The following ST3GAL4 variants were observed in gnomAD, a reference collection of about 807,000 sequenced individuals.
The protein encoded by ST3GAL4 is ST3 beta-galactoside alpha-2,3-sialyltransferase 4, also known as CMP-N-acetylneuraminate-beta-galactosamide-alpha-2,3-sialyltransferase 4.
A neutral mutation model predicts 42.6 loss-of-function variants in ST3GAL4; 24 were observed. The ratio of observed to expected loss-of-function variants is 0.56; its 90% CI spans 0.41 to 0.79. The LOEUF (loss-of-function observed/expected upper bound fraction) is 0.79. Ranked by LOEUF, ST3GAL4 falls within the 30% of genes least tolerant of loss-of-function variation. The pLI, the probability that ST3GAL4 is intolerant of heterozygous loss-of-function variation, is 0.00. For synonymous variants in ST3GAL4, 135 were observed against 163.2 expected (o/e 0.83, Z 1.32); for missense variants, 311 against 430.8 (o/e 0.72, Z 2.46).
In ST3GAL4 at chr11:126,366,901, C is replaced by T. The variant is rs1952451109; in HGVS notation, c.-61+11059C>T. Among the ~76,000 whole-genome samples, 1 of 152,142 alleles carries T rather than the reference C, an allele frequency of 6.6e-6. No individual in the cohort carries two copies. On this transcript the variant is annotated intron_variant, in intron 1 of 10. Transcript: ENST00000444328. This position sits in a 1 kb window ranked among gnomAD's most constrained non-coding sequence, Gnocchi z 4.2. Reference sequence around the variant, plus strand: ...TGAATTCAGAGGCTGTACTGTGGGGCAGGGCTGGAATTTGTGGCACCTGCA... The same window carrying T: ...TGAATTCAGAGGCTGTACTGTGGGGTAGGGCTGGAATTTGTGGCACCTGCA...
At position 126,411,199 on chromosome 11, in the gene ST3GAL4, G is replaced by T. The variant is rs975748546; in HGVS notation, c.771+1788G>T. 6.6e-6 allele frequency among the ~76,000 whole-genome samples: 1 copy of T among 151,846 alleles called. No individual in the cohort carries two copies. Among genetic ancestry groups the T allele is most frequent in the African/African-American group, 2.4e-5 (1 of 41,344 alleles). On this transcript the variant is annotated intron_variant, in intron 9 of 10. Coordinates refer to ENST00000444328, the MANE Select transcript of ST3GAL4 (RefSeq NM_001254757.2). The surrounding 1 kb of genome is among the most constrained non-coding windows in gnomAD (Gnocchi z 6.3). ...CTTGCTCTGTCACCCAGGCTGGAGT[G>T]CAGTGGGGTGATCTTGGCTCACTGC... is the stretch of plus-strand genomic sequence containing the variant.
chr11:126,357,862 T>C (rs1435388798), intron 1 of ST3GAL4, among the ~76,000 whole-genome samples: 1 of 152,214 alleles, frequency 6.6e-6, no homozygotes, highest in Non-Finnish European at 1.5e-5. Flanking sequence ...GAATTGGGAA[T>C]TCTTCTCAGA....
At chr11:126,387,221 A>G (rs917400131) in intron 1 of ST3GAL4, among the ~76,000 whole-genome samples, 5 of 152,202 alleles carry the variant, frequency 3.3e-5, no homozygotes, top group African/African-American at 9.7e-5. Context: ...TAAAAATCCC[A>G]TTTACCCAAA....
In ST3GAL4 at chr11:126,378,640, C is replaced by T. The variant is rs1177169987; in HGVS notation, c.-61+22798C>T. ...GCCAGGATGGTCTCGATCTCCTGACCTCGTGATCCACCCTCCTCGGCCCCC... is the reference window on the plus strand; with the variant it reads ...GCCAGGATGGTCTCGATCTCCTGACTTCGTGATCCACCCTCCTCGGCCCCC... On this transcript the variant is annotated intron_variant, in intron 1 of 10. Coordinates refer to ENST00000444328, the MANE Select transcript of ST3GAL4 (RefSeq NM_001254757.2). The surrounding 1 kb of genome is among the most constrained non-coding windows in gnomAD (Gnocchi z 5.3). 6.6e-6 allele frequency among the ~76,000 whole-genome samples: 1 copy of T among 152,162 alleles called. No homozygotes were observed. The highest frequency in any genetic ancestry group is 2.4e-5 in the African/African-American group (1 of 41,440).
intron 1 of ST3GAL4, among the ~76,000 whole-genome samples, chr11:126,380,033 G>A (rs1166293814): frequency 6.6e-6 from 1 of 151,928 alleles, no homozygotes; most frequent in African/African-American, 2.4e-5. Context: ...AAGCTGAGGC[G>A]GGCGGATCAC....
chr11:126,365,639 T>C (rs777757108), intron 1 of ST3GAL4, among the ~76,000 whole-genome samples: 4 of 152,284 alleles, frequency 2.6e-5, no homozygotes, highest in African/African-American at 4.8e-5. Flanking sequence ...CCCATCACCC[T>C]CCCAGTTATG....
At chr11:126,380,509 G>A (rs76162387) in intron 1 of ST3GAL4, among the ~76,000 whole-genome samples, 2 of 152,298 alleles carry the variant, frequency 1.3e-5, no homozygotes, top group African/African-American at 4.8e-5. Flanking sequence ...AGGGGCTGAT[G>A]TTCTTGCCAT....
In ST3GAL4 at chr11:126,384,992, C is replaced by T; in HGVS notation, c.-60-21104C>T. On this transcript the variant is annotated intron_variant, in intron 1 of 10. Coordinates refer to ENST00000444328, the MANE Select transcript of ST3GAL4 (RefSeq NM_001254757.2). This position sits in a 1 kb window ranked among gnomAD's most constrained non-coding sequence, Gnocchi z 5.5. Reference sequence around the variant, plus strand: ...GCTGGCACCTTCCACGTCCTGAGTGCTTGTTCTGTGCCCAGCCCCTGCTGA... The same window carrying T: ...GCTGGCACCTTCCACGTCCTGAGTGTTTGTTCTGTGCCCAGCCCCTGCTGA... 1.1e-6 allele frequency: 1 copy of T among 869,696 alleles called. No individual in the cohort carries two copies. The highest frequency in any genetic ancestry group is 1.4e-6 in the Non-Finnish European group (1 of 724,264). The allele number at this position is 869,696 out of a possible 1,614,324, so 53.9% of individuals were successfully genotyped here.
intron 6 of ST3GAL4, 30 bp downstream of exon 6, chr11:126,407,664 C>A (rs761726443): frequency 6.2e-7 from 1 of 1,611,634 alleles, no homozygotes; most frequent in Non-Finnish European, 8.5e-7. Flanking sequence ...CCAGTCTGGG[C>A]ACCTTCTCCT....
At chr11:126,375,670 A>G (rs1952810178) in intron 1 of ST3GAL4, among the ~76,000 whole-genome samples, 1 of 152,188 alleles carries the variant, frequency 6.6e-6, no homozygotes. Flanking sequence ...CATCTAGCAC[A>G]GTGGTCCTCA....
rs943339099 is a variant in ST3GAL4 at position 126,396,544 on chromosome 11, G to A, written c.-60-9552G>A. 2.0e-4 allele frequency among the ~76,000 whole-genome samples: 30 copies of A among 151,942 alleles called. No homozygotes were observed. The highest frequency in any genetic ancestry group is 6.5e-4 in the Admixed American group (10 of 15,282). On this transcript the variant is annotated intron_variant, in intron 1 of 10. Coordinates refer to ENST00000444328, the MANE Select transcript of ST3GAL4 (RefSeq NM_001254757.2). The surrounding 1 kb of genome is among the most constrained non-coding windows in gnomAD (Gnocchi z 5.8). Reference sequence around the variant, plus strand: ...CTGTGGGGGCTAGAGACTGTGTCTCGTGCGGAAGCGTGGCTGAGAAGGGGC... The same window carrying A: ...CTGTGGGGGCTAGAGACTGTGTCTCATGCGGAAGCGTGGCTGAGAAGGGGC...
intron 9 of ST3GAL4, among the ~76,000 whole-genome samples, chr11:126,412,316 G>A (rs1166175603): frequency 6.6e-6 from 1 of 152,186 alleles, no homozygotes; most frequent in Non-Finnish European, 1.5e-5. Context: ...AGACAGGAGA[G>A]CTCAGAGAGG....
intron 1 of ST3GAL4, among the ~76,000 whole-genome samples, chr11:126,402,778 TTG>T (rs1240240511): frequency 2.0e-5 from 3 of 152,190 alleles, no homozygotes; most frequent in Non-Finnish European, 4.4e-5. Context: ...TTTCTTCACC[TTG>T]TCCCCCAGTT....
Position 126,406,063 on chromosome 11 carries a change from G to T in ST3GAL4, c.-60-33G>T, listed in dbSNP as rs531057382. The T allele has an allele frequency of 6.4e-7, 1 of 1,551,188 alleles. No homozygotes were observed. The highest frequency in any genetic ancestry group is 1.4e-5 in the African/African-American group (1 of 73,170). ...GTGTCTAGGCAGGAGAGTTTGTGAA[G>T]CTGACCGGACACCTGTGGCTCTTAT... is the stretch of plus-strand genomic sequence containing the variant. On this transcript the variant is annotated intron_variant, in intron 1 of 10. Transcript: ENST00000444328. The surrounding 1 kb of genome is among the most constrained non-coding windows in gnomAD (Gnocchi z 5.4).
rs1307797343 is a variant in ST3GAL4 at position 126,366,634 on chromosome 11, A to T, written c.-61+10792A>T. The stretch of plus-strand genomic sequence containing the variant: ...GCCTCTCACTCGCTCAGCCCCTTTA[A>T]CCCTGCTGGCTCCTAATGAGACTTC... On this transcript the variant is annotated intron_variant, in intron 1 of 10. Transcript: ENST00000444328. The surrounding 1 kb of genome is among the most constrained non-coding windows in gnomAD (Gnocchi z 4.2). Among the ~76,000 whole-genome samples the T allele has an allele frequency of 6.6e-6, 1 of 151,690 alleles. No individual in the cohort carries two copies. The highest frequency in any genetic ancestry group is 1.5e-5 in the Non-Finnish European group (1 of 67,930).
chr11:126,384,054 G>A lies in ST3GAL4; in HGVS notation c.-60-22042G>A, dbSNP rs1953120666. On this transcript the variant is annotated intron_variant, in intron 1 of 10. Coordinates refer to ENST00000444328, the MANE Select transcript of ST3GAL4 (RefSeq NM_001254757.2). This position sits in a 1 kb window ranked among gnomAD's most constrained non-coding sequence, Gnocchi z 5.5. The stretch of plus-strand genomic sequence containing the variant: ...TCCCAATGCAGGGCCCTCTCCTCTG[G>A]CGAGCCTGCCTTGATACTCCCCGGC... 6.6e-6 allele frequency among the ~76,000 whole-genome samples: 1 copy of A among 152,170 alleles called. No individual in the cohort carries two copies. The highest frequency in any genetic ancestry group is 1.5e-5 in the Non-Finnish European group (1 of 68,036).
At position 126,409,031 on chromosome 11, in the gene ST3GAL4, C is replaced by T. The variant is rs1203370871; in HGVS notation, c.628-237C>T. Among the ~76,000 whole-genome samples, 2 of 152,226 alleles carry T rather than the reference C, an allele frequency of 1.3e-5. No individual in the cohort carries two copies. The highest frequency in any genetic ancestry group is 6.5e-5 in the Admixed American group (1 of 15,280). On this transcript the variant is annotated intron_variant, in intron 8 of 10. Coordinates refer to ENST00000444328, the MANE Select transcript of ST3GAL4 (RefSeq NM_001254757.2). This position sits in a 1 kb window ranked among gnomAD's most constrained non-coding sequence, Gnocchi z 4.9. Reference sequence around the variant, plus strand: ...AGTGGTCCATGGTTTAGACCCTCCACTCTATACACCTGGTCACCTGGCCTC... The same window carrying T: ...AGTGGTCCATGGTTTAGACCCTCCATTCTATACACCTGGTCACCTGGCCTC...
chr11:126,412,900 A>G (rs1954592356), intron 9 of ST3GAL4, among the ~76,000 whole-genome samples: 1 of 152,230 alleles, frequency 6.6e-6, no homozygotes, highest in Non-Finnish European at 1.5e-5. Context: ...TAGATGAGAT[A>G]ATGTTTTATA....
Position 126,359,798 on chromosome 11 carries a change from TC to T in ST3GAL4, c.-61+3957del, listed in dbSNP as rs1952187091. On this transcript the variant is annotated intron_variant, in intron 1 of 10. Transcript: ENST00000444328. The surrounding 1 kb of genome is among the most constrained non-coding windows in gnomAD (Gnocchi z 4.8). ...CCTCCCAGCCTCCCCAGCCCCCACC[TC>T]TGCTGCTTTCCCTTGGCAATTGCTT... Among the ~76,000 whole-genome samples the T allele has an allele frequency of 6.8e-6, 1 of 146,580 alleles. No homozygotes were observed. Among genetic ancestry groups the T allele is most frequent in the African/African-American group, 2.6e-5 (1 of 38,728 alleles).
Sources: allele counts gnomAD v4.1 joint callset (sites outside exome capture counted in the v4.1 genomes callset), GRCh38; gene constraint gnomAD v4.1.1; non-coding constraint Gnocchi (gnomAD v3.1); transcripts MANE v1.5; gene names NCBI Gene and HGNC (gene_info 2026-07-23, HGNC 2026-07-21).